Variants in DLG2 observed in about 807,000 individuals in gnomAD.
DLG2 encodes disks large homolog 2.
In DLG2, 45 loss-of-function variants were observed where a neutral mutation model predicts 132.5. That is an observed-to-expected ratio of 0.34 (90% CI 0.27 to 0.44). DLG2 has a LOEUF of 0.44. Among genes scored for constraint, DLG2 ranks in the 20% least tolerant of loss-of-function variants. The pLI, the probability that DLG2 is intolerant of heterozygous loss-of-function variation, is 1.00. For missense variants in DLG2, 1,045 were observed against 1,196.9 expected (o/e 0.87, Z 1.87); for synonymous variants, 424 against 419.6 (o/e 1.01, Z -0.13).
Position 84,369,426 on chromosome 11 carries a change from C to T in DLG2, c.520-118135G>A, listed in dbSNP as rs568468666. The stretch of plus-strand genomic sequence containing the variant: ...CATTAAAATACTTAATTTATTAGAT[C>T]TCATGACAACAGTTTGAGACAGATG... On this transcript the variant is annotated intron_variant, in intron 7 of 27. Transcript: ENST00000376104. 3.3e-5 allele frequency among the ~76,000 whole-genome samples: 5 copies of T among 152,176 alleles called. No homozygotes were observed. The South Asian group carries it at 8.3e-4, about 25-fold the overall frequency.
intron 3 of DLG2, among the ~76,000 whole-genome samples, chr11:85,459,549 G>A (rs1436509510): frequency 1.3e-5 from 2 of 152,158 alleles, no homozygotes; most frequent in African/African-American, 2.4e-5. Context: ...CTTAGCTGTG[G>A]ATGGGTGGCT....
intron 18 of DLG2, among the ~76,000 whole-genome samples, chr11:83,640,641 A>G (rs2066228085): frequency 6.6e-6 from 1 of 152,158 alleles, no homozygotes. Flanking sequence ...TTTCCTCAAG[A>G]GGCTCACAGG....
intron 7 of DLG2, among the ~76,000 whole-genome samples, chr11:84,351,709 A>G (rs2098573836): frequency 1.3e-5 from 2 of 152,160 alleles, no homozygotes; most frequent in African/African-American, 4.8e-5. Flanking sequence ...AGAAATATTA[A>G]TTTGCCAGTA....
chr11:84,027,118 G>A (rs1005700848), intron 11 of DLG2, among the ~76,000 whole-genome samples: 1 of 151,968 alleles, frequency 6.6e-6, no homozygotes, highest in Non-Finnish European at 1.5e-5. Flanking sequence ...GGAGATGGTG[G>A]GATAGAACTA....
At chr11:84,835,778 T>C (rs2079677110) in intron 6 of DLG2, among the ~76,000 whole-genome samples, 2 of 151,804 alleles carry the variant, frequency 1.3e-5, no homozygotes, top group Non-Finnish European at 2.9e-5. Context: ...ATTAAATATA[T>C]TTTAATGCTA....
intron 3 of DLG2, chr11:85,452,637 A>G: frequency 5.1e-6 from 1 of 197,288 alleles, no homozygotes; most frequent in East Asian, 1.2e-4. Context: ...GACCATCTCC[A>G]TACTGTGTAT....
intron 21 of DLG2, among the ~76,000 whole-genome samples, chr11:83,528,411 T>C (rs571331503): frequency 1.3e-5 from 2 of 152,316 alleles, no homozygotes; most frequent in East Asian, 3.9e-4. Flanking sequence ...ATTCCCACCA[T>C]GACCTTTGCA....
At chr11:84,611,067 T>C (rs1396052229) in intron 6 of DLG2, among the ~76,000 whole-genome samples, 1 of 91,940 alleles carries the variant, frequency 1.1e-5, no homozygotes, top group Non-Finnish European at 2.3e-5. Flanking sequence ...ACACACACAC[T>C]ATATGTTTCC....
chr11:83,936,072 C>T (rs1225818451), intron 14 of DLG2, among the ~76,000 whole-genome samples: 1 of 152,164 alleles, frequency 6.6e-6, no homozygotes, highest in Non-Finnish European at 1.5e-5. Context: ...GATGCATAAC[C>T]TCAGAAAATG....
chr11:84,125,932 G>T (rs934353941), intron 9 of DLG2, among the ~76,000 whole-genome samples: 5 of 152,148 alleles, frequency 3.3e-5, no homozygotes, highest in African/African-American at 1.2e-4. Context: ...TAAATTGGAA[G>T]AAATCAAGAT....
chr11:85,304,169 C>T (rs2079790846), intron 3 of DLG2, among the ~76,000 whole-genome samples: 1 of 152,104 alleles, frequency 6.6e-6, no homozygotes, highest in Non-Finnish European at 1.5e-5. Context: ...CTACATTTTC[C>T]AGGAACATAG....
chr11:85,216,723 G>A (rs1391431879), intron 4 of DLG2, among the ~76,000 whole-genome samples: 1 of 151,836 alleles, frequency 6.6e-6, no homozygotes, highest in Non-Finnish European at 1.5e-5. Flanking sequence ...TGGAGACAGA[G>A]TCTCACTCTG....
intron 3 of DLG2, among the ~76,000 whole-genome samples, chr11:85,337,183 A>T (rs1234301774): frequency 6.6e-6 from 1 of 152,194 alleles, no homozygotes; most frequent in Non-Finnish European, 1.5e-5. Context: ...CGTGGATCTT[A>T]TTTCCAAATA....
At chr11:84,297,654 C>T (rs778764819) in intron 7 of DLG2, among the ~76,000 whole-genome samples, 7 of 152,044 alleles carry the variant, frequency 4.6e-5, no homozygotes, top group Non-Finnish European at 1.0e-4. Context: ...TCACTGTATA[C>T]AATACATCAT....
At chr11:83,687,224 C>T (rs1297283745) in intron 18 of DLG2, among the ~76,000 whole-genome samples, 1 of 152,168 alleles carries the variant, frequency 6.6e-6, no homozygotes, top group Admixed American at 6.6e-5. Context: ...CTAAGCCACC[C>T]AGTTTACGGT....
chr11:85,603,663 T>C (rs769824335), intron 2 of DLG2, among the ~76,000 whole-genome samples: 3 of 152,014 alleles, frequency 2.0e-5, no homozygotes, highest in African/African-American at 4.8e-5. Context: ...CACCTATAAT[T>C]CCAGCACTTT....
At chr11:84,666,689 T>C (rs1021941096) in intron 6 of DLG2, among the ~76,000 whole-genome samples, 1 of 152,068 alleles carries the variant, frequency 6.6e-6, no homozygotes, top group Non-Finnish European at 1.5e-5. Flanking sequence ...TATATGTGTA[T>C]AATTACATAA....
intron 14 of DLG2, among the ~76,000 whole-genome samples, chr11:83,931,181 C>T (rs993547141): frequency 1.8e-4 from 28 of 152,300 alleles, no homozygotes; most frequent in Non-Finnish European, 3.4e-4. Flanking sequence ...CATCTAATAT[C>T]TTCTGTATAC....
intron 18 of DLG2, among the ~76,000 whole-genome samples, chr11:83,747,366 G>GCCTTCCTTCCTGTC (rs1566805698): frequency 3.0e-5 from 4 of 131,420 alleles, no homozygotes; most frequent in South Asian, 2.4e-4. Flanking sequence ...CTTCCTTCCT[G>GCCTTCCTTCCTGTC]TCTCTCTCTC....
Sources: allele counts gnomAD v4.1 joint callset (sites outside exome capture counted in the v4.1 genomes callset), GRCh38; gene constraint gnomAD v4.1.1; transcripts MANE v1.5; gene names NCBI Gene and HGNC (gene_info 2026-07-23, HGNC 2026-07-21).